The following SLC24A2 variants were observed in gnomAD, a reference collection of about 807,000 sequenced individuals.
The protein encoded by SLC24A2 is solute carrier family 24 member 2, also known as sodium/potassium/calcium exchanger 2.
Under a neutral mutation model 62.0 loss-of-function variants are expected in SLC24A2, and 36 were observed. The ratio of observed to expected loss-of-function variants is 0.58; its 90% CI spans 0.44 to 0.77. The LOEUF is 0.77. Ranked by LOEUF, SLC24A2 falls within the 30% of genes least tolerant of loss-of-function variation. The pLI, the probability that SLC24A2 is intolerant of heterozygous loss-of-function variation, is 0.00. For synonymous variants in SLC24A2, 358 were observed against 294.0 expected (o/e 1.22, Z -2.23); for missense variants, 846 against 817.9 (o/e 1.03, Z -0.42).
the SLC24A2 span, among the ~76,000 whole-genome samples, chr9:20,134,299 G>A: frequency 2.2e-4 from 34 of 152,264 alleles, no homozygotes; most frequent in African/African-American, 7.7e-4. Flanking sequence ...ATATAACAAA[G>A]TTAAGGATTT....
the SLC24A2 span, among the ~76,000 whole-genome samples, chr9:19,984,534 C>A: frequency 6.6e-6 from 1 of 152,060 alleles, no homozygotes; most frequent in East Asian, 1.9e-4. Flanking sequence ...GGTGAAACCC[C>A]AGCTCTACTA....
chr9:19,992,976 C>T, the SLC24A2 span, among the ~76,000 whole-genome samples: 1 of 152,108 alleles, frequency 6.6e-6, no homozygotes, highest in African/African-American at 2.4e-5. Context: ...CAGTGGTAGC[C>T]AACAAACTAA....
At chr9:19,941,249 A>T in the SLC24A2 span, among the ~76,000 whole-genome samples, 1 of 151,860 alleles carries the variant, frequency 6.6e-6, no homozygotes, top group Non-Finnish European at 1.5e-5. Context: ...AATAAAAAAA[A>T]TCTGAAAATA....
the SLC24A2 span, among the ~76,000 whole-genome samples, chr9:19,812,029 A>C: frequency 6.6e-6 from 1 of 152,116 alleles, no homozygotes; most frequent in Non-Finnish European, 1.5e-5. Flanking sequence ...GAATAATTTC[A>C]CTGGATATAC....
At chr9:19,875,243 T>G in the SLC24A2 span, among the ~76,000 whole-genome samples, 1 of 152,204 alleles carries the variant, frequency 6.6e-6, no homozygotes, top group Non-Finnish European at 1.5e-5. Context: ...CTTTCAAGAC[T>G]TGTGTTAAAA....
the SLC24A2 span, among the ~76,000 whole-genome samples, chr9:19,835,402 C>CAA: frequency 1.3e-4 from 20 of 151,688 alleles, no homozygotes; most frequent in Admixed American, 3.9e-4. Context: ...AAATGGAAAA[C>CAA]AAAAAAAGGC....
At chr9:20,066,923 T>C in the SLC24A2 span, among the ~76,000 whole-genome samples, 1 of 152,136 alleles carries the variant, frequency 6.6e-6, no homozygotes, top group Admixed American at 6.6e-5. Context: ...GGTCCCCACA[T>C]GCAAGGAAAA....
At chr9:20,263,411 G>A in the SLC24A2 span, among the ~76,000 whole-genome samples, 48 of 152,102 alleles carry the variant, frequency 3.2e-4, no homozygotes, top group East Asian at 8.5e-3. Context: ...ACCACACCTG[G>A]CTATTTTTTA....
At chr9:20,040,023 T>C in the SLC24A2 span, among the ~76,000 whole-genome samples, 1 of 152,232 alleles carries the variant, frequency 6.6e-6, no homozygotes, top group Non-Finnish European at 1.5e-5. Context: ...CACTAACTTT[T>C]GATTATAAAA....
chr9:19,913,958 C>T, the SLC24A2 span, among the ~76,000 whole-genome samples: 1 of 151,932 alleles, frequency 6.6e-6, no homozygotes, highest in African/African-American at 2.4e-5. Flanking sequence ...CCTCACTATG[C>T]CAGCTCCTTC....
At chr9:19,836,097 A>G in the SLC24A2 span, among the ~76,000 whole-genome samples, 1 of 152,208 alleles carries the variant, frequency 6.6e-6, no homozygotes, top group Non-Finnish European at 1.5e-5. Flanking sequence ...GGAAATTTAT[A>G]GCACTAAATG....
chr9:19,564,868 T>C (rs1378720738), intron 7 of SLC24A2, among the ~76,000 whole-genome samples: 2 of 152,188 alleles, frequency 1.3e-5, no homozygotes, highest in Non-Finnish European at 2.9e-5. Flanking sequence ...GCAGGGATTA[T>C]GATGCAGCAG....
At chr9:19,922,859 T>C in the SLC24A2 span, among the ~76,000 whole-genome samples, 1 of 152,016 alleles carries the variant, frequency 6.6e-6, no homozygotes, top group Non-Finnish European at 1.5e-5. Flanking sequence ...TGAGGATTTT[T>C]CTCCATAAAA....
At chr9:19,531,336 A>T (rs1833699750) in intron 8 of SLC24A2, among the ~76,000 whole-genome samples, 1 of 152,178 alleles carries the variant, frequency 6.6e-6, no homozygotes, top group Non-Finnish European at 1.5e-5. Context: ...TACCAGTGTC[A>T]TTGGAAGGAA....
chr9:20,118,966 C>T, the SLC24A2 span, among the ~76,000 whole-genome samples: 1 of 152,084 alleles, frequency 6.6e-6, no homozygotes, highest in East Asian at 1.9e-4. Context: ...TGCTAGGAGA[C>T]TCACTCCAGA....
At chr9:19,851,006 TAC>T in the SLC24A2 span, among the ~76,000 whole-genome samples, 385 of 65,894 alleles carry the variant, frequency 5.8e-3, 20 homozygotes, top group African/African-American at 8.6e-3. Context: ...TATATACACA[TAC>T]ATATATATAT....
the SLC24A2 span, among the ~76,000 whole-genome samples, chr9:20,054,651 T>C: frequency 6.6e-6 from 1 of 152,132 alleles, no homozygotes; most frequent in African/African-American, 2.4e-5. Context: ...TCTCATAGCT[T>C]AGATCCCTCA....
chr9:19,628,415 G>A (rs773408171), intron 2 of SLC24A2, among the ~76,000 whole-genome samples: 4 of 152,156 alleles, frequency 2.6e-5, no homozygotes, highest in Non-Finnish European at 4.4e-5. Context: ...AAGGGCCTCA[G>A]GCTATTTCTG....
chr9:19,978,077 G>A, the SLC24A2 span, among the ~76,000 whole-genome samples: 1 of 152,082 alleles, frequency 6.6e-6, no homozygotes, highest in South Asian at 2.1e-4. Flanking sequence ...TTCAGACTTA[G>A]ATTTAATTTG....
Sources: allele counts gnomAD v4.1 joint callset (sites outside exome capture counted in the v4.1 genomes callset), GRCh38; gene constraint gnomAD v4.1.1; transcripts MANE v1.5; gene names NCBI Gene and HGNC (gene_info 2026-07-23, HGNC 2026-07-21).